The following RAPGEF6 variants were observed in gnomAD, a reference collection of about 807,000 sequenced individuals.
RAPGEF6 encodes PDZ domain containing guanine nucleotide exchange factor (GEF) 2.
Under a neutral mutation model 171.4 loss-of-function variants are expected in RAPGEF6, and 56 were observed. The observed-to-expected ratio is 0.33, with a 90% CI of 0.26 to 0.41. RAPGEF6 has a LOEUF of 0.41. Ranked by LOEUF, RAPGEF6 falls within the 10% of genes least tolerant of loss-of-function variation. The probability of loss-of-function intolerance (pLI) is 1.00; values close to 1 mark genes in which losing one functional copy is unlikely to be tolerated. For missense variants in RAPGEF6, 1,674 were observed against 1,921.4 expected, an observed-to-expected ratio of 0.87 and a Z score of 2.41; for synonymous variants, 692 against 650.1, an observed-to-expected ratio of 1.06 and a Z score of -0.98.
intron 17 of RAPGEF6, chr5:131,469,833 A>G: frequency 1.3e-6 from 2 of 1,520,574 alleles, no homozygotes; most frequent in Non-Finnish European, 1.8e-6. Context: ...CAGCAAAAAT[A>G]AAGCAAAATC....
intron 6 of RAPGEF6, among the ~76,000 whole-genome samples, chr5:131,528,141 TAC>T (rs1267759779): frequency 2.9e-4 from 15 of 51,224 alleles, no homozygotes; most frequent in African/African-American, 5.4e-4. Context: ...ATATAATATA[TAC>T]TATATATAAT....
chr5:131,625,712 A>T (rs1312100776), intron 1 of RAPGEF6, among the ~76,000 whole-genome samples: 2 of 151,268 alleles, frequency 1.3e-5, no homozygotes, highest in African/African-American at 4.8e-5. Flanking sequence ...GCTACTCGGG[A>T]GGCTGAGACA....
chr5:131,602,003 C>T (rs900443451), intron 3 of RAPGEF6, among the ~76,000 whole-genome samples: 1 of 150,354 alleles, frequency 6.7e-6, no homozygotes, highest in African/African-American at 2.5e-5. Flanking sequence ...CCAGTGTACT[C>T]CAGCCTGGGC....
intron 4 of RAPGEF6, among the ~76,000 whole-genome samples, chr5:131,584,942 G>A (rs1238671656): frequency 6.6e-6 from 1 of 152,102 alleles, no homozygotes; most frequent in African/African-American, 2.4e-5. Context: ...AGAATCCACT[G>A]GACAGTTACA....
chr5:131,473,929 G>A (rs1349555452), intron 16 of RAPGEF6, among the ~76,000 whole-genome samples: 1 of 152,130 alleles, frequency 6.6e-6, no homozygotes, highest in African/African-American at 2.4e-5. Context: ...AAAGAGACAT[G>A]GAAGAAAGCA....
chr5:131,490,217 G>C (rs548618835), intron 14 of RAPGEF6, among the ~76,000 whole-genome samples: 2 of 152,188 alleles, frequency 1.3e-5, no homozygotes, highest in South Asian at 4.1e-4. Context: ...CAGAATCATA[G>C]AAGCAGTTTA....
chr5:131,443,513 T>C (rs1016217195), intron 22 of RAPGEF6, among the ~76,000 whole-genome samples: 1 of 152,218 alleles, frequency 6.6e-6, no homozygotes, highest in Non-Finnish European at 1.5e-5. Flanking sequence ...GCATTCTTCA[T>C]AGAATAGAAG....
chr5:131,538,522 G>A (rs186386149), intron 6 of RAPGEF6, among the ~76,000 whole-genome samples: 4 of 152,226 alleles, frequency 2.6e-5, no homozygotes, highest in East Asian at 1.9e-4. Context: ...CTGTCATTAC[G>A]CAACACATGA....
chr5:131,480,965 CTTG>C (rs1029338589), intron 15 of RAPGEF6, among the ~76,000 whole-genome samples: 21 of 149,410 alleles, frequency 1.4e-4, no homozygotes, highest in African/African-American at 5.2e-4. Context: ...GAGTTTCGCT[CTTG>C]TTGTCCAGGC....
chr5:131,491,349 TA>T (rs1359885727), intron 14 of RAPGEF6, among the ~76,000 whole-genome samples: 1 of 152,186 alleles, frequency 6.6e-6, no homozygotes, highest in East Asian at 1.9e-4. Flanking sequence ...GAACCTTTCA[TA>T]ATATGAATGA....
chr5:131,442,526 A>C lies in RAPGEF6; in HGVS notation c.3433T>G (p.Leu1145Val). Residue 1145 changes from leucine (L) to valine (V), a missense_variant, in exon 23 of 28, where the codon TTA becomes GTA. Transcript: ENST00000509018. ...EPAYGTLTKN[L>V]SEKRSAKSSE... Reference sequence around the variant, plus strand: ...GATTTGGCTGATCTTTTCTCACTTAAATTCTTGGTCACTAACAGGAGAGAG... The same window carrying C: ...GATTTGGCTGATCTTTTCTCACTTACATTCTTGGTCACTAACAGGAGAGAG... 6.2e-7 allele frequency: 1 copy of C among 1,613,838 alleles called. No homozygotes were observed. Among genetic ancestry groups the C allele is most frequent in the Non-Finnish European group, 8.5e-7 (1 of 1,179,868 alleles).
intron 14 of RAPGEF6, among the ~76,000 whole-genome samples, chr5:131,491,125 T>A (rs996654714): frequency 5.9e-5 from 9 of 152,174 alleles, no homozygotes; most frequent in African/African-American, 2.2e-4. Context: ...ATAAATATAC[T>A]GATTACAGGA....
chr5:131,446,751 A>T (rs1024990174), intron 21 of RAPGEF6, 48 bp from the exon 22 acceptor site: 1 of 1,486,988 alleles, frequency 6.7e-7, no homozygotes, highest in Non-Finnish European at 9.2e-7. Flanking sequence ...GATGAGAACT[A>T]AGCATAGCAG....
chr5:131,630,889 T>A (rs942099129), intron 1 of RAPGEF6, among the ~76,000 whole-genome samples: 1 of 152,230 alleles, frequency 6.6e-6, no homozygotes, highest in Admixed American at 6.5e-5. Context: ...TCACAACGCT[T>A]TGCACCCAGT....
At position 131,426,210 on chromosome 5, in the gene RAPGEF6, A is replaced by C. The variant is rs749297060; in HGVS notation, c.*1056T>G. 2 of 152,266 alleles carry C rather than the reference A, an allele frequency of 1.3e-5. No individual in the cohort carries two copies. The highest frequency in any genetic ancestry group is 2.9e-5 in the Non-Finnish European group (2 of 68,032). The allele number at this position is 152,266 out of a possible 1,614,324, so 9.4% of individuals were successfully genotyped here. On this transcript the variant is annotated 3_prime_UTR_variant, in exon 28 of 28. Transcript: ENST00000509018. ...CTGCAGGGTATGTCAGGTCAGACAC[A>C]ACCTGGTGCTATGAGATGTGGGGGA...
At chr5:131,536,535 T>C (rs1222974254) in intron 6 of RAPGEF6, among the ~76,000 whole-genome samples, 1 of 152,150 alleles carries the variant, frequency 6.6e-6, no homozygotes, top group East Asian at 1.9e-4. Context: ...CCCATTTTTG[T>C]TGAAAATCTG....
intron 20 of RAPGEF6, among the ~76,000 whole-genome samples, chr5:131,453,797 T>C (rs950854491): frequency 1.3e-5 from 2 of 152,188 alleles, no homozygotes; most frequent in African/African-American, 2.4e-5. Context: ...GACACATGAA[T>C]TGTTCAGGGT....
chr5:131,634,920 C>T lies in RAPGEF6; in HGVS notation c.69+42G>A. 1.9e-6 allele frequency: 3 copies of T among 1,610,520 alleles called. No individual in the cohort carries two copies. In the South Asian group the frequency reaches 3.3e-5, roughly 18 times the overall value. The stretch of plus-strand genomic sequence containing the variant: ...TTTCGGACAGACAGGAGGATGCTGT[C>T]TACTGGACTGTGAGACGCACATAAA... On this transcript the variant is annotated intron_variant, in intron 1 of 27. Coordinates refer to ENST00000509018, the MANE Select transcript of RAPGEF6 (RefSeq NM_016340.6).
At chr5:131,480,572 G>A (rs556828228) in intron 15 of RAPGEF6, among the ~76,000 whole-genome samples, 16 of 152,180 alleles carry the variant, frequency 1.1e-4, no homozygotes, top group South Asian at 8.3e-4. Flanking sequence ...TCCATCTCCC[G>A]GGTTCAAGCG....
Sources: allele counts gnomAD v4.1 joint callset (sites outside exome capture counted in the v4.1 genomes callset), GRCh38; gene constraint gnomAD v4.1.1; transcripts MANE v1.5; gene names NCBI Gene and HGNC (gene_info 2026-07-23, HGNC 2026-07-21).